MARK4: variants seen among roughly 807,000 people sequenced by gnomAD.
The protein encoded by MARK4 is microtubule affinity regulating kinase 4.
In MARK4, 19 loss-of-function variants were observed where a neutral mutation model predicts 81.5. That is an observed-to-expected ratio of 0.23 (90% CI 0.16 to 0.34). The LOEUF (loss-of-function observed/expected upper bound fraction) is 0.34. Ranked by LOEUF, MARK4 falls within the 10% of genes least tolerant of loss-of-function variation. The probability of loss-of-function intolerance (pLI) is 1.00; values close to 1 mark genes in which losing one functional copy is unlikely to be tolerated. For missense variants in MARK4, 772 were observed against 1,058.8 expected (o/e 0.73, Z 3.76); for synonymous variants, 436 against 439.0 (o/e 0.99, Z 0.08).
In MARK4 at chr19:45,304,596, G is replaced by C. The variant is rs1301214205; in HGVS notation, c.*1886G>C. 1.3e-5 allele frequency: 2 copies of C among 152,216 alleles called. No individual in the cohort carries two copies. The highest frequency in any genetic ancestry group is 2.9e-5 in the Non-Finnish European group (2 of 68,060). 9.4% of individuals were successfully genotyped at this position (152,216 alleles called of 1,614,324 possible). ...CAGGGAAGAGGCTTGGTCAATTCCT[G>C]AGAGCATCCTCTGTGCTGGGGACAC... On this transcript the variant is annotated 3_prime_UTR_variant, in exon 17 of 17. Coordinates refer to ENST00000262891, the MANE Select transcript of MARK4 (RefSeq NM_001199867.2).
At position 45,304,327 on chromosome 19, in the gene MARK4, C is replaced by G. The variant is rs1971020352; in HGVS notation, c.*1617C>G. On this transcript the variant is annotated 3_prime_UTR_variant, in exon 17 of 17. Transcript: ENST00000262891. ...TGGCCCAAATGGGCCATGTGATTTTCTCTAAACCAATCACTGTGACTCTAG... is the reference window on the plus strand; with the variant it reads ...TGGCCCAAATGGGCCATGTGATTTTGTCTAAACCAATCACTGTGACTCTAG... 6.6e-6 allele frequency: 1 copy of G among 152,214 alleles called. No homozygotes were observed. The highest frequency in any genetic ancestry group is 2.1e-4 in the South Asian group (1 of 4,832). The allele number at this position is 152,214 out of a possible 1,614,324, so 9.4% of individuals were successfully genotyped here.
intron 8 of MARK4, among the ~76,000 whole-genome samples, chr19:45,272,404 T>TA (rs1328428334): frequency 1.3e-5 from 2 of 152,126 alleles, no homozygotes; most frequent in Non-Finnish European, 2.9e-5. Flanking sequence ...AACATTGTGC[T>TA]AAGTGACAGA....
intron 1 of MARK4, among the ~76,000 whole-genome samples, chr19:45,255,561 A>G (rs1395437362): frequency 1.4e-4 from 12 of 86,392 alleles, no homozygotes; most frequent in Non-Finnish European, 3.5e-4. Context: ...AACTCTGCCA[A>G]AAAAAAAAAA....
chr19:45,287,581 C>T lies in MARK4; in HGVS notation c.1411C>T (p.Pro471Ser), dbSNP rs764159321. The T allele has an allele frequency of 1.3e-6, 2 of 1,596,814 alleles. No individual in the cohort carries two copies. Residue 471 changes from proline to serine, a missense_variant, in exon 13 of 17, where the codon CCC becomes TCC. Physicochemically the swap from Pro to Ser is moderately conservative, Grantham distance 74. Transcript: ENST00000262891. ...TAGSGSRGLP[P>S]SSPMVSSAHN... ...GGGGAGTGGGAGTCGAGGGCTGCCC[C>T]CCTCCAGCCCCATGGTCAGCAGCGC...
Position 45,304,159 on chromosome 19 carries a change from C to G in MARK4, c.*1449C>G, listed in dbSNP as rs2123123268. On this transcript the variant is annotated 3_prime_UTR_variant, in exon 17 of 17. Coordinates refer to ENST00000262891, the MANE Select transcript of MARK4 (RefSeq NM_001199867.2). ...CTATTTTTTCAGTGTAAGTTGAATT[C>G]TAGTAATTTTTATCAAGTAAGGGCT... 6.6e-6 allele frequency: 1 copy of G among 152,338 alleles called. No individual in the cohort carries two copies. The highest frequency in any genetic ancestry group is 1.9e-4 in the East Asian group (1 of 5,184). The allele number at this position is 152,338 out of a possible 1,614,324, so 9.4% of individuals were successfully genotyped here. A position where few individuals can be genotyped will look rare whatever the true frequency, so the allele number is the denominator to read the frequency against.
intron 4 of MARK4, 92 bp from the exon 5 acceptor site, chr19:45,264,592 G>A: frequency 5.9e-6 from 7 of 1,181,450 alleles, no homozygotes; most frequent in Non-Finnish European, 8.7e-6. Flanking sequence ...TGGGGTGGGG[G>A]TGTTATGGTT....
rs148447397 is a variant in MARK4 at position 45,304,866 on chromosome 19, A to G, written c.*2156A>G. On this transcript the variant is annotated 3_prime_UTR_variant, in exon 17 of 17. Transcript: ENST00000262891. ...GAGCAAGAGAGAGGACAGGTCCTCA[A>G]CAAATGGCATGTGACTTTGTAAGTG... 1 of 152,554 alleles carries G rather than the reference A, an allele frequency of 6.6e-6. No homozygotes were observed. The highest frequency in any genetic ancestry group is 1.5e-5 in the Non-Finnish European group (1 of 68,210). 9.5% of individuals were successfully genotyped at this position (152,554 alleles called of 1,614,324 possible).
chr19:45,287,373 G>C, intron 12 of MARK4, 74 bp from the exon 13 acceptor site: 1 of 1,079,672 alleles, frequency 9.3e-7, no homozygotes. Flanking sequence ...GAATTCTCAG[G>C]TTCCAACGAT....
chr19:45,270,291 C>T (rs1165164936), intron 7 of MARK4, among the ~76,000 whole-genome samples: 1 of 152,050 alleles, frequency 6.6e-6, no homozygotes, highest in Non-Finnish European at 1.5e-5. Flanking sequence ...GTTCACACAG[C>T]GAGTGAGTGG....
In MARK4 at chr19:45,251,732, C is replaced by T. The variant is rs576711581; in HGVS notation, c.51+93C>T. 186 of 1,241,316 alleles carry T rather than the reference C, an allele frequency of 1.5e-4. No homozygotes were observed. In the African/African-American group the frequency reaches 2.6e-3, roughly 18 times the overall value. The allele number at this position is 1,241,316 out of a possible 1,614,324, so 76.9% of individuals were successfully genotyped here. A position where few individuals can be genotyped will look rare whatever the true frequency, so the allele number is the denominator to read the frequency against. On this transcript the variant is annotated intron_variant, in intron 1 of 16. Transcript: ENST00000262891. Reference sequence around the variant, plus strand: ...ACCCCTCGCCCCGCGAGCCCCTACCCTCGTTTCCTGGGCCCGACCCGGCTC... The same window carrying T: ...ACCCCTCGCCCCGCGAGCCCCTACCTTCGTTTCCTGGGCCCGACCCGGCTC...
chr19:45,264,670 C>T lies in MARK4; in HGVS notation c.356-14C>T. 1 of 1,613,832 alleles carries T rather than the reference C, an allele frequency of 6.2e-7. No homozygotes were observed. The highest frequency in any genetic ancestry group is 8.5e-7 in the Non-Finnish European group (1 of 1,179,860). On this transcript the variant is annotated splice_polypyrimidine_tract_variant and intron_variant, in intron 4 of 16. Transcript: ENST00000262891. ...TTTCTCCCTAATGCCCTACACTGTT[C>T]CCAACCATTATAGTGAAGCTCTTTG...
In MARK4 at chr19:45,251,488, G is replaced by A; in HGVS notation, c.-101G>A. On this transcript the variant is annotated 5_prime_UTR_variant, in exon 1 of 17. Coordinates refer to ENST00000262891, the MANE Select transcript of MARK4 (RefSeq NM_001199867.2). ...GGCGTTCTCGGCGCCCAGCTTTTGA[G>A]CTCGCGTCCCCAGGCCGGCGGGGGG... is the stretch of plus-strand genomic sequence containing the variant. The A allele has an allele frequency of 1.4e-6, 1 of 690,876 alleles. No homozygotes were observed. The highest frequency in any genetic ancestry group is 2.0e-5 in the African/African-American group (1 of 51,186). 42.8% of individuals were successfully genotyped at this position (690,876 alleles called of 1,614,324 possible). A position where few individuals can be genotyped will look rare whatever the true frequency, so the allele number is the denominator to read the frequency against.
Position 45,271,331 on chromosome 19 carries a change from G to A in MARK4, c.550-141G>A. 1.3e-6 allele frequency: 1 copy of A among 751,176 alleles called. No homozygotes were observed. The highest frequency in any genetic ancestry group is 2.3e-6 in the Non-Finnish European group (1 of 444,272). The allele number at this position is 751,176 out of a possible 1,614,324, so 46.5% of individuals were successfully genotyped here. On this transcript the variant is annotated intron_variant, in intron 7 of 16. Coordinates refer to ENST00000262891, the MANE Select transcript of MARK4 (RefSeq NM_001199867.2). The surrounding 1 kb of genome is among the most constrained non-coding windows in gnomAD (Gnocchi z 4.1). ...CAGTGAGGTAAAGTTACTACCTAAG[G>A]TCAGGTAGAGAGTAAAGGACAGGCC...
At position 45,298,065 on chromosome 19, in the gene MARK4, C is replaced by T. The variant is rs892387275; in HGVS notation, c.1877+111C>T. The T allele has an allele frequency of 4.5e-6, 7 of 1,543,048 alleles. No homozygotes were observed. In the African/African-American group the frequency reaches 9.5e-5, roughly 21 times the overall value. ...ACCCCAACATTTCCTCTTCCTCCTCCTCCTCCTCCTCGTTTCCTCCTCCTC... is the reference window on the plus strand; with the variant it reads ...ACCCCAACATTTCCTCTTCCTCCTCTTCCTCCTCCTCGTTTCCTCCTCCTC... On this transcript the variant is annotated intron_variant, in intron 15 of 16. Coordinates refer to ENST00000262891, the MANE Select transcript of MARK4 (RefSeq NM_001199867.2).
intron 7 of MARK4, 114 bp downstream of exon 7, chr19:45,266,395 C>T (rs899643147): frequency 6.3e-6 from 6 of 955,416 alleles, no homozygotes; most frequent in Non-Finnish European, 1.0e-5. Flanking sequence ...CAGCCCTTTT[C>T]TCCTCCTGCT....
chr19:45,282,480 C>T (rs1970688815), intron 12 of MARK4, among the ~76,000 whole-genome samples: 1 of 150,158 alleles, frequency 6.7e-6, no homozygotes, highest in Admixed American at 6.6e-5. Flanking sequence ...ATTGCTTGAG[C>T]CCAGGAGTTC....
intron 4 of MARK4, among the ~76,000 whole-genome samples, 180 bp from the exon 5 acceptor site, chr19:45,264,504 G>A (rs1970424218): frequency 6.7e-6 from 1 of 149,698 alleles, no homozygotes; most frequent in African/African-American, 2.4e-5. Flanking sequence ...AAAAAAAAAC[G>A]AAAGTGGAAA....
chr19:45,293,149 A>G (rs1161012949), intron 13 of MARK4, among the ~76,000 whole-genome samples: 2 of 152,040 alleles, frequency 1.3e-5, no homozygotes, highest in African/African-American at 2.4e-5. Flanking sequence ...CACACCTGTA[A>G]TCCCAGCTAC....
intron 1 of MARK4, among the ~76,000 whole-genome samples, chr19:45,256,804 A>T (rs1375302365): frequency 6.6e-6 from 1 of 151,978 alleles, no homozygotes; most frequent in African/African-American, 2.4e-5. Context: ...GTTTCTGACG[A>T]CCCTGTGTTG....
Sources: gnomAD v4.1 joint callset for allele counts (sites outside exome capture counted in the v4.1 genomes callset) on GRCh38, gnomAD v4.1.1 for gene constraint, Gnocchi (gnomAD v3.1) non-coding constraint, MANE v1.5 for transcripts, NCBI Gene and HGNC (gene_info 2026-07-23, HGNC 2026-07-21) for gene names.